Variants in RUBCN observed in about 807,000 individuals in gnomAD.
RUBCN encodes the protein run domain Beclin-1-interacting and cysteine-rich domain-containing protein.
A neutral mutation model predicts 113.2 loss-of-function variants in RUBCN; 74 were observed. That is an observed-to-expected ratio of 0.65 (90% confidence interval 0.54 to 0.79). RUBCN has a LOEUF of 0.79. RUBCN is among the 30% of genes least tolerant of loss of function. The pLI is 0.00. For synonymous variants in RUBCN, 480 were observed against 490.0 expected, an observed-to-expected ratio of 0.98 and a Z score of 0.27; for missense variants, 1,109 against 1,251.7, an observed-to-expected ratio of 0.89 and a Z score of 1.72.
At chr3:197,688,925 C>T in intron 11 of RUBCN, among the ~76,000 whole-genome samples, 1 of 152,164 alleles carries the variant, frequency 6.6e-6, no homozygotes, top group East Asian at 1.9e-4. Flanking sequence ...AGGGATACTA[C>T]TGGGGCGATG....
At chr3:197,740,975 TAAC>T (rs370369882), upstream of RUBCN, among the ~76,000 whole-genome samples, 19 of 152,296 alleles carry the variant, frequency 1.2e-4, 2 homozygotes, top group South Asian at 3.9e-3. Flanking sequence ...TCAAATTGTC[TAAC>T]AACAACTAAT....
chr3:197,747,918 C>G lies in RUBCN; in HGVS notation c.-116+1351G>C, dbSNP rs538987287. The stretch of plus-strand genomic sequence containing the variant: ...AAAACTCAGGTCTGGGCCCACAACC[C>G]AGTTTCTGTAGTTTTTTTTTTTTTT... On this transcript the variant is annotated intron_variant, in intron 1 of 20. Coordinates refer to the RUBCN transcript ENST00000273582. Among the ~76,000 whole-genome samples, 335 of 151,222 alleles carry G rather than the reference C, an allele frequency of 2.2e-3. 1 individual carries two copies. The highest frequency in any genetic ancestry group is 7.6e-3 in the African/African-American group (314 of 41,336).
At position 197,720,993 on chromosome 3, in the gene RUBCN, T is replaced by A. The variant is rs151001631; in HGVS notation, c.66-2863A>T. Among the ~76,000 whole-genome samples the A allele has an allele frequency of 3.9e-5, 6 of 152,260 alleles. No homozygotes were observed. The East Asian group carries it at 9.6e-4, about 24-fold the overall frequency. On this transcript the variant is annotated intron_variant, in intron 1 of 19. Transcript: ENST00000296343. Reference sequence around the variant, plus strand: ...CGGCTATCTTCTGATTTTTTTTTAATGTGCAGCGATTAGATTTGGTTTGCT... The same window carrying A: ...CGGCTATCTTCTGATTTTTTTTTAAAGTGCAGCGATTAGATTTGGTTTGCT...
intron 2 of RUBCN, among the ~76,000 whole-genome samples, chr3:197,717,743 G>A (rs1486494063): frequency 6.6e-6 from 1 of 152,124 alleles, no homozygotes; most frequent in South Asian, 2.1e-4. Flanking sequence ...GTTTTAAGTT[G>A]ACCTAATCTT....
rs774034505 is a variant in RUBCN, at chr3:197,703,560, G to T, written c.558C>A (p.Ile186=). The change falls in exon 5 of 20, where the codon ATC becomes ATA. Residue 186 remains isoleucine, a synonymous_variant. Coordinates refer to ENST00000296343, the MANE Select transcript of RUBCN (RefSeq NM_014687.4). ...EQNNPRLLAQ[I]DASMFARKHE... is the part of the protein sequence containing the mutation. ...TTGTCCCCTGTACCATGGACGCATC[G>T]ATCTGAGCCAGGAGGCGGGGGTTGT... 6.2e-7 allele frequency: 1 copy of T among 1,611,284 alleles called. No individual in the cohort carries two copies. Among genetic ancestry groups the T allele is most frequent in the Non-Finnish European group, 8.5e-7 (1 of 1,177,510 alleles).
chr3:197,692,158 C>G (rs1022639418), intron 11 of RUBCN, among the ~76,000 whole-genome samples: 3 of 152,018 alleles, frequency 2.0e-5, no homozygotes, highest in Non-Finnish European at 4.4e-5. Flanking sequence ...GCCCAGTCAC[C>G]AGTGGCCGAT....
chr3:197,702,100 T>C (rs972828327), intron 5 of RUBCN, among the ~76,000 whole-genome samples: 2 of 152,220 alleles, frequency 1.3e-5, no homozygotes, highest in Non-Finnish European at 2.9e-5. Flanking sequence ...GAGTACTTTA[T>C]TACAGAGGCA....
intron 1 of RUBCN, among the ~76,000 whole-genome samples, chr3:197,726,834 T>A (rs1343582825): frequency 6.6e-6 from 1 of 151,618 alleles, no homozygotes; most frequent in Non-Finnish European, 1.5e-5. Flanking sequence ...TGTATTTTAA[T>A]AAGCAGGAAG....
At chr3:197,697,115 C>G (rs1168582074) in intron 7 of RUBCN, 66 bp from the exon 8 acceptor site, 9 of 843,014 alleles carry the variant, frequency 1.1e-5, no homozygotes, top group Non-Finnish European at 1.9e-5. Flanking sequence ...ATTCCCAACT[C>G]TGGAGTTTCA....
chr3:197,707,256 C>G (rs914025180), intron 2 of RUBCN, among the ~76,000 whole-genome samples: 1 of 151,792 alleles, frequency 6.6e-6, no homozygotes, highest in Non-Finnish European at 1.5e-5. Flanking sequence ...GGCATGAACC[C>G]GGGAGGCAGA....
rs1296631672 is a variant in RUBCN at position 197,671,457 on chromosome 3, G to C, written c.*3561C>G. On this transcript the variant is annotated 3_prime_UTR_variant, in exon 20 of 20. Coordinates refer to ENST00000296343, the MANE Select transcript of RUBCN (RefSeq NM_014687.4). The stretch of plus-strand genomic sequence containing the variant: ...TTAGAGGAAAACATCCACAGAACTT[G>C]ATGACAGGGAGTAGGAATGAGACGA... 6.6e-6 allele frequency: 1 copy of C among 152,216 alleles called. No homozygotes were observed. The highest frequency in any genetic ancestry group is 1.5e-5 in the Non-Finnish European group (1 of 68,032). The allele number at this position is 152,216 out of a possible 1,614,324, so 9.4% of individuals were successfully genotyped here. A position where few individuals can be genotyped will look rare whatever the true frequency, so the allele number is the denominator to read the frequency against.
intron 1 of RUBCN, among the ~76,000 whole-genome samples, chr3:197,728,659 G>A (rs1017905589): frequency 2.6e-5 from 4 of 152,138 alleles, no homozygotes; most frequent in African/African-American, 7.2e-5. Context: ...TCAGGCACTG[G>A]GCTAGGCACT....
In RUBCN at chr3:197,675,991, C is replaced by T. The variant is rs373138475; in HGVS notation, c.2647-476G>A. Among the ~76,000 whole-genome samples, 8 of 152,118 alleles carry T rather than the reference C, an allele frequency of 5.3e-5. No homozygotes were observed. Among genetic ancestry groups the T allele is most frequent in the East Asian group, 1.9e-4 (1 of 5,198 alleles). On this transcript the variant is annotated intron_variant, in intron 18 of 19. Coordinates refer to ENST00000296343, the MANE Select transcript of RUBCN (RefSeq NM_014687.4). The surrounding 1 kb of genome is among the most constrained non-coding windows in gnomAD (Gnocchi z 4.4). Reference sequence around the variant, plus strand: ...CCTGTGCCCAGCTCGAATTATGGGACGGTCACAGGAACATAAACTGGGCAT... The same window carrying T: ...CCTGTGCCCAGCTCGAATTATGGGATGGTCACAGGAACATAAACTGGGCAT...
rs910808627 is a variant in RUBCN, at chr3:197,683,508, G to C, written c.1848-69C>G. ...TGGGCGATGCGAGGCTTCCCTTCAT[G>C]ATCTCATCCCCCACGCAGCAACTTC... On this transcript the variant is annotated intron_variant, in intron 12 of 19. Coordinates refer to ENST00000296343, the MANE Select transcript of RUBCN (RefSeq NM_014687.4). The surrounding 1 kb of genome is among the most constrained non-coding windows in gnomAD (Gnocchi z 4.6). 1 of 1,579,796 alleles carries C rather than the reference G, an allele frequency of 6.3e-7. No homozygotes were observed. The highest frequency in any genetic ancestry group is 2.3e-5 in the East Asian group (1 of 44,302).
intron 1 of RUBCN, among the ~76,000 whole-genome samples, chr3:197,725,187 C>G (rs1055097209): frequency 6.6e-6 from 1 of 152,004 alleles, no homozygotes; most frequent in Non-Finnish European, 1.5e-5. Context: ...AAAGTACTTC[C>G]TGGAAAGAGG....
At chr3:197,701,177 C>G (rs754870546) in intron 6 of RUBCN, 31 bp from the exon 7 acceptor site, 1 of 1,496,332 alleles carries the variant, frequency 6.7e-7, no homozygotes, top group Non-Finnish European at 8.9e-7. Flanking sequence ...GTAAGGGGAG[C>G]AAGGGTGAGG....
Position 197,726,186 on chromosome 3 carries a change from C to T in RUBCN, c.66-8056G>A, listed in dbSNP as rs1726725499. On this transcript the variant is annotated intron_variant, in intron 1 of 19. Transcript: ENST00000296343. The stretch of plus-strand genomic sequence containing the variant: ...TGTTTAATATTACATAGCTTGTTTC[C>T]TGAAGGAAAGGGACTATGTATCTTC... Among the ~76,000 whole-genome samples, 5 of 152,290 alleles carry T rather than the reference C, an allele frequency of 3.3e-5. No individual in the cohort carries two copies. In the South Asian group the frequency reaches 1.0e-3, roughly 32 times the overall value.
intron 1 of RUBCN, among the ~76,000 whole-genome samples, chr3:197,729,310 C>T (rs978449592): frequency 6.6e-6 from 1 of 151,830 alleles, no homozygotes; most frequent in South Asian, 2.1e-4. Flanking sequence ...TGGAGTGCAG[C>T]GGCGCGATCT....
intron 2 of RUBCN, among the ~76,000 whole-genome samples, chr3:197,709,439 G>A (rs537998791): frequency 1.3e-5 from 2 of 152,154 alleles, no homozygotes; most frequent in South Asian, 2.1e-4. Flanking sequence ...GGAGTGCAAT[G>A]GCGCGATCTC....
Sources: allele counts gnomAD v4.1 joint callset (sites outside exome capture counted in the v4.1 genomes callset), GRCh38; gene constraint gnomAD v4.1.1; non-coding constraint Gnocchi (gnomAD v3.1); transcripts MANE v1.5; gene names NCBI Gene and HGNC (gene_info 2026-07-23, HGNC 2026-07-21).